Variants in STIP1 observed in about 807,000 individuals in gnomAD.
STIP1 encodes stress induced phosphoprotein 1.
In STIP1, 16 loss-of-function variants were observed where a neutral mutation model predicts 77.4. That is an observed-to-expected ratio of 0.21 (90% CI 0.14 to 0.31). The LOEUF (loss-of-function observed/expected upper bound fraction) is 0.31, where lower values mean the gene tolerates loss of function less well. Ranked by LOEUF, STIP1 falls within the 10% of genes least tolerant of loss-of-function variation. The pLI, the probability that STIP1 is intolerant of heterozygous loss-of-function variation, is 1.00. For missense variants in STIP1, 524 were observed against 684.8 expected (o/e 0.77, Z 2.62); for synonymous variants, 258 against 246.6 (o/e 1.05, Z -0.44).
intron 1 of STIP1, 82 bp from the exon 2 acceptor site, chr11:64,192,996 A>G (rs1482708214): frequency 2.8e-5 from 37 of 1,323,498 alleles, no homozygotes; most frequent in Non-Finnish European, 3.1e-5. Flanking sequence ...GTTGGTAACT[A>G]CATGAAAGAA....
intron 1 of STIP1, among the ~76,000 whole-genome samples, chr11:64,192,581 G>A (rs1946104880): frequency 6.6e-6 from 1 of 152,192 alleles, no homozygotes; most frequent in African/African-American, 2.4e-5. Context: ...CTATGCCATA[G>A]GCAAGCATCT....
chr11:64,197,688 A>G, intron 7 of STIP1, 93 bp downstream of exon 7: 2 of 1,566,024 alleles, frequency 1.3e-6, no homozygotes, highest in Admixed American at 1.7e-5. Flanking sequence ...GCTGCTGGCC[A>G]TAGAATCTGC....
chr11:64,202,591 C>T, intron 10 of STIP1: 1 of 433,378 alleles, frequency 2.3e-6, no homozygotes, highest in South Asian at 2.7e-5. Context: ...TTCCAAAGCT[C>T]TCAGGACCAA....
intron 10 of STIP1, 69 bp downstream of exon 10, chr11:64,200,362 C>T (rs533401989): frequency 4.2e-5 from 64 of 1,541,130 alleles, no homozygotes; most frequent in Non-Finnish European, 5.1e-5. Context: ...CTCTCTCTCT[C>T]CTCATCAACA....
chr11:64,198,874 AT>A (rs1946181821), intron 8 of STIP1, among the ~76,000 whole-genome samples: 1 of 149,320 alleles, frequency 6.7e-6, no homozygotes, highest in Non-Finnish European at 1.5e-5. Flanking sequence ...CATTTTGACT[AT>A]TTTATAAAGA....
chr11:64,193,356 G>A (rs1403557293), intron 2 of STIP1, 69 bp downstream of exon 2: 21 of 1,442,012 alleles, frequency 1.5e-5, no homozygotes, highest in Non-Finnish European at 1.9e-5. Context: ...GGTGGCCTGA[G>A]GTTTACCTGT....
Position 64,191,404 on chromosome 11 carries a change from G to A in STIP1, c.10-1674G>A, listed in dbSNP as rs1347152820. Among the ~76,000 whole-genome samples, 8 of 151,784 alleles carry A rather than the reference G, an allele frequency of 5.3e-5. No individual in the cohort carries two copies. In the South Asian group the frequency reaches 1.5e-3, roughly 28 times the overall value. ...GGGTGGATTAAGAGGTCAGGAGTTC[G>A]AGACCAGCCTGGCCAACATGGTGAA... On this transcript the variant is annotated intron_variant, in intron 1 of 13. Transcript: ENST00000305218.
chr11:64,185,681 C>A (rs1420694901), upstream of STIP1: 7 of 1,177,840 alleles, frequency 5.9e-6, no homozygotes, highest in African/African-American at 6.2e-5. Context: ...CAGCTACAGA[C>A]CCCGACTGCA....
chr11:64,199,886 T>C, intron 8 of STIP1, 54 bp from the exon 9 acceptor site: 1 of 1,603,284 alleles, frequency 6.2e-7, no homozygotes, highest in Non-Finnish European at 8.5e-7. Flanking sequence ...TTAAGCCCAA[T>C]ATTTAGATGA....
At chr11:64,203,005 C>T (rs1212302654) in intron 11 of STIP1, 93 bp downstream of exon 11, 2 of 1,600,746 alleles carry the variant, frequency 1.2e-6, no homozygotes, top group Middle Eastern at 1.7e-4. Context: ...GTCCTTGGGA[C>T]CTGTAGGATT....
At chr11:64,192,567 A>G (rs1946104731) in intron 1 of STIP1, among the ~76,000 whole-genome samples, 1 of 152,212 alleles carries the variant, frequency 6.6e-6, no homozygotes, top group South Asian at 2.1e-4. Flanking sequence ...GGAGGAGATG[A>G]CAACTATGCC....
At chr11:64,194,046 C>A in intron 2 of STIP1, 143 bp from the exon 3 acceptor site, 1 of 1,178,290 alleles carries the variant, frequency 8.5e-7, no homozygotes, top group Non-Finnish European at 1.2e-6. Context: ...GCCTCGTAGC[C>A]TACTCCTCTC....
rs778732525 is a variant in STIP1 at position 64,194,210 on chromosome 11, G to C, written c.241G>C (p.Ala81Pro). 3 of 1,614,124 alleles carry C rather than the reference G, an allele frequency of 1.9e-6. No homozygotes were observed. Among genetic ancestry groups the C allele is most frequent in the South Asian group, 1.1e-5 (1 of 91,056 alleles). The change falls in exon 3 of 14, where the codon GCT becomes CCT. Residue 81 changes from alanine to proline, a missense_variant. By Grantham distance (27) the Ala-to-Pro change is conservative. Transcript: ENST00000305218. ...TAAGGGCTATTCACGAAAAGCAGCA[G>C]CTCTAGAGTTCTTAAACCGCTTTGA... Reference protein sequence around the residue: ...WGKGYSRKAAALEFLNRFEEA... With the variant: ...WGKGYSRKAAPLEFLNRFEEA...
At chr11:64,185,657 AGCCGCCGGCGACACAGCTAC>A, upstream of STIP1, 5 of 921,246 alleles carry the variant, frequency 5.4e-6, no homozygotes, top group Non-Finnish European at 7.9e-6. Context: ...GAGGCCCCGC[AGCCGCCGGCGACACAGCTAC>A]AGACCCCGAC....
At position 64,202,222 on chromosome 11, in the gene STIP1, TTTTG is replaced by T. The variant is rs777183925; in HGVS notation, c.1246-642_1246-639del. ...TGTTTTAAAACTGAGGTTTTTTTATTTTTGTTTGTTTGTTTTTATTTTTTTTTGA... is the reference window on the plus strand; with the variant it reads ...TGTTTTAAAACTGAGGTTTTTTTATTTTTGTTTGTTTTTATTTTTTTTTGA... On this transcript the variant is annotated intron_variant, in intron 10 of 13. Transcript: ENST00000305218. Among the ~76,000 whole-genome samples, 454 of 152,120 alleles carry T rather than the reference TTTTG, an allele frequency of 3.0e-3. 4 individuals are homozygous for T. Among genetic ancestry groups the T allele is most frequent in the Non-Finnish European group, 1.9e-3 (128 of 67,988 alleles).
intron 2 of STIP1, among the ~76,000 whole-genome samples, chr11:64,193,716 A>T (rs1946117053): frequency 6.6e-6 from 1 of 152,156 alleles, no homozygotes; most frequent in Non-Finnish European, 1.5e-5. Flanking sequence ...GAGCCTGGCA[A>T]GCGGAGGTTG....
chr11:64,203,761 C>G, intron 13 of STIP1, 139 bp downstream of exon 13: 1 of 1,168,164 alleles, frequency 8.6e-7, no homozygotes, highest in Non-Finnish European at 1.2e-6. Flanking sequence ...AGGAGATTGG[C>G]AGTGGGTGGC....
intron 10 of STIP1, among the ~76,000 whole-genome samples, chr11:64,201,232 G>T (rs914620554): frequency 1.3e-5 from 2 of 152,058 alleles, no homozygotes; most frequent in Non-Finnish European, 2.9e-5. Context: ...TAGAGACAGG[G>T]TTTCACCATG....
rs905484517 is a variant in STIP1 at position 64,186,197 on chromosome 11, C to T, written c.-65C>T. On this transcript the variant is annotated 5_prime_UTR_variant, in exon 1 of 14. Transcript: ENST00000305218. Reference sequence around the variant, plus strand: ...GCTTCTAGTAGGTTCCAGAAGGCGGCGCGTGCGGTTGGGAACGCGGAGCGG... The same window carrying T: ...GCTTCTAGTAGGTTCCAGAAGGCGGTGCGTGCGGTTGGGAACGCGGAGCGG... 6.4e-6 allele frequency: 10 copies of T among 1,550,624 alleles called. No individual in the cohort carries two copies. The highest frequency in any genetic ancestry group is 5.5e-5 in the African/African-American group (4 of 72,996).
Sources: gnomAD v4.1 joint callset for allele counts (sites outside exome capture counted in the v4.1 genomes callset) on GRCh38, gnomAD v4.1.1 for gene constraint, MANE v1.5 for transcripts, NCBI Gene and HGNC (gene_info 2026-07-23, HGNC 2026-07-21) for gene names.